ANTXR1: variants seen among roughly 807,000 people sequenced by gnomAD.
The protein encoded by ANTXR1 is anthrax toxin receptor 1.
A neutral mutation model predicts 78.1 loss-of-function variants in ANTXR1; 19 were observed. The ratio of observed to expected loss-of-function variants is 0.24; its 90% CI spans 0.17 to 0.36. The LOEUF is 0.36. Among genes scored for constraint, ANTXR1 ranks in the 10% least tolerant of loss-of-function variants. The probability of loss-of-function intolerance (pLI) is 1.00; values close to 1 mark genes in which losing one functional copy is unlikely to be tolerated. For synonymous variants in ANTXR1, 273 were observed against 260.5 expected, an observed-to-expected ratio of 1.05 and a Z score of -0.46; for missense variants, 518 against 718.6, an observed-to-expected ratio of 0.72 and a Z score of 3.19.
intron 14 of ANTXR1, among the ~76,000 whole-genome samples, chr2:69,179,941 G>T (rs1409753893): frequency 6.6e-6 from 1 of 152,186 alleles, no homozygotes; most frequent in Non-Finnish European, 1.5e-5. Flanking sequence ...GAATACAAGG[G>T]TCAGCAGAAT....
chr2:69,042,000 C>G (rs1275653364), intron 2 of ANTXR1, among the ~76,000 whole-genome samples: 1 of 152,164 alleles, frequency 6.6e-6, no homozygotes, highest in Non-Finnish European at 1.5e-5. Flanking sequence ...ATAACAGTGC[C>G]AGACACATAG....
At chr2:69,095,476 G>A (rs117153224) in intron 9 of ANTXR1, among the ~76,000 whole-genome samples, 11 of 152,340 alleles carry the variant, frequency 7.2e-5, no homozygotes, top group East Asian at 3.9e-4. Context: ...ATGCCTGTGC[G>A]ATGAGGAAAT....
At chr2:69,154,295 C>T (rs578114109) in intron 13 of ANTXR1, among the ~76,000 whole-genome samples, 6 of 152,226 alleles carry the variant, frequency 3.9e-5, no homozygotes, top group Admixed American at 6.5e-5. Context: ...GGTTGATCTT[C>T]GGGATTCATT....
intron 1 of ANTXR1, among the ~76,000 whole-genome samples, chr2:69,015,070 C>CT (rs1670980514): frequency 7.7e-6 from 1 of 129,638 alleles, no homozygotes. Context: ...TCAGGAAAAT[C>CT]TAAAAAAAAA....
chr2:69,219,135 C>T (rs1675250178), intron 17 of ANTXR1, among the ~76,000 whole-genome samples: 1 of 152,060 alleles, frequency 6.6e-6, no homozygotes, highest in Non-Finnish European at 1.5e-5. Context: ...GCAGCTTGCC[C>T]CAGAGCCAGC....
intron 3 of ANTXR1, among the ~76,000 whole-genome samples, chr2:69,065,987 C>T (rs763992058): frequency 2.6e-5 from 4 of 152,118 alleles, no homozygotes; most frequent in Admixed American, 6.5e-5. Context: ...TCCAATTCCA[C>T]AGAAGGAAAA....
chr2:69,114,661 C>A (rs545724190), intron 10 of ANTXR1, among the ~76,000 whole-genome samples: 3 of 152,192 alleles, frequency 2.0e-5, no homozygotes, highest in Admixed American at 6.5e-5. Flanking sequence ...CATGTCATGT[C>A]AGAGCCTTGG....
rs778112115 is a variant in ANTXR1 at position 69,090,847 on chromosome 2, C to T, written c.643-12C>T. On this transcript the variant is annotated splice_polypyrimidine_tract_variant and intron_variant, in intron 8 of 17. Coordinates refer to ENST00000303714, the MANE Select transcript of ANTXR1 (RefSeq NM_032208.3). Reference sequence around the variant, plus strand: ...AGCTGTGCATTGACTCTTTTATTTCCGCTCCTCCTAGATTTTGAAGAAGTC... The same window carrying T: ...AGCTGTGCATTGACTCTTTTATTTCTGCTCCTCCTAGATTTTGAAGAAGTC... 5.1e-5 allele frequency: 83 copies of T among 1,612,442 alleles called. No homozygotes were observed. The highest frequency in any genetic ancestry group is 3.3e-4 in the Middle Eastern group (2 of 6,084).
chr2:69,143,237 T>C (rs1451205028), intron 12 of ANTXR1, among the ~76,000 whole-genome samples: 6 of 152,192 alleles, frequency 3.9e-5, no homozygotes, highest in Non-Finnish European at 8.8e-5. Flanking sequence ...CTAAGTCTGT[T>C]CAATGGTATT....
rs1468034001 is a variant in ANTXR1 at position 69,246,277 on chromosome 2, C to T, written c.*792C>T. ...CTAGAGGTGGCTGGCTTTGGCCAGA[C>T]ATGGACCCTAAATCAACAGACAATG... is the stretch of plus-strand genomic sequence containing the variant. On this transcript the variant is annotated 3_prime_UTR_variant, in exon 18 of 18. Coordinates refer to ENST00000303714, the MANE Select transcript of ANTXR1 (RefSeq NM_032208.3). The T allele has an allele frequency of 2.0e-5, 3 of 152,210 alleles. No individual in the cohort carries two copies. Among genetic ancestry groups the T allele is most frequent in the African/African-American group, 4.8e-5 (2 of 41,462 alleles). The allele number at this position is 152,210 out of a possible 1,614,324, so 9.4% of individuals were successfully genotyped here.
intron 10 of ANTXR1, among the ~76,000 whole-genome samples, chr2:69,115,611 T>G (rs55746564): frequency 0.29 from 43,497 of 152,042 alleles, 6,349 homozygotes; most frequent in Non-Finnish European, 0.32. Context: ...AGGCTCTTAG[T>G]GTTCTCCATT....
intron 16 of ANTXR1, among the ~76,000 whole-genome samples, chr2:69,185,410 G>C (rs1311816138): frequency 1.3e-5 from 2 of 152,032 alleles, no homozygotes; most frequent in South Asian, 2.1e-4. Context: ...CGTGGTTGTG[G>C]GTGCCTGTAA....
intron 10 of ANTXR1, chr2:69,103,373 G>A: frequency 7.4e-6 from 2 of 268,466 alleles, no homozygotes; most frequent in South Asian, 9.0e-5. Flanking sequence ...ACTCTTAAGG[G>A]TAAGTGTGAA....
chr2:69,072,297 T>A (rs1419478459), intron 5 of ANTXR1, among the ~76,000 whole-genome samples: 1 of 152,218 alleles, frequency 6.6e-6, no homozygotes, highest in East Asian at 1.9e-4. Flanking sequence ...TTTTAGCTAT[T>A]ATTACTACAG....
At chr2:69,235,185 A>C (rs1035870492) in intron 17 of ANTXR1, among the ~76,000 whole-genome samples, 6 of 151,818 alleles carry the variant, frequency 4.0e-5, no homozygotes, top group African/African-American at 1.5e-4. Flanking sequence ...CACCACGCCC[A>C]GCTAATTTTG....
intron 1 of ANTXR1, among the ~76,000 whole-genome samples, chr2:69,016,296 C>T (rs1223415635): frequency 6.6e-6 from 1 of 151,974 alleles, no homozygotes; most frequent in Non-Finnish European, 1.5e-5. Context: ...GCTACCATAC[C>T]GGATAGTGCA....
At chr2:69,147,954 C>G (rs772514710) in intron 12 of ANTXR1, among the ~76,000 whole-genome samples, 3 of 152,128 alleles carry the variant, frequency 2.0e-5, no homozygotes, top group Non-Finnish European at 2.9e-5. Context: ...TGGACACAGC[C>G]GTAAAAATGC....
chr2:69,115,149 G>C (rs544815476), intron 10 of ANTXR1, among the ~76,000 whole-genome samples: 2 of 152,198 alleles, frequency 1.3e-5, no homozygotes, highest in Non-Finnish European at 2.9e-5. Flanking sequence ...TCCTCCCCCA[G>C]TTGCAGTAAC....
At chr2:69,212,354 T>C (rs1200051863) in intron 17 of ANTXR1, among the ~76,000 whole-genome samples, 1 of 152,028 alleles carries the variant, frequency 6.6e-6, no homozygotes, top group East Asian at 1.9e-4. Flanking sequence ...AGCGCAGCCT[T>C]GAGTACTTAG....
Sources: gnomAD v4.1 joint callset for allele counts (sites outside exome capture counted in the v4.1 genomes callset) on GRCh38, gnomAD v4.1.1 for gene constraint, MANE v1.5 for transcripts, NCBI Gene and HGNC (gene_info 2026-07-23, HGNC 2026-07-21) for gene names.